Variants in GLG1 observed in about 807,000 individuals in gnomAD.
GLG1 encodes golgi glycoprotein 1.
Under a neutral mutation model 160.5 loss-of-function variants are expected in GLG1, and 38 were observed. The observed-to-expected ratio is 0.24, with a 90% CI of 0.18 to 0.31. GLG1 has a LOEUF of 0.31. GLG1 is among the 10% of genes least tolerant of loss of function. The pLI is 1.00. For missense variants in GLG1, 1,373 were observed against 1,505.2 expected (o/e 0.91, Z 1.45); for synonymous variants, 644 against 543.4 (o/e 1.19, Z -2.57).
intron 12 of GLG1, among the ~76,000 whole-genome samples, chr16:74,474,869 T>C (rs938529692): frequency 1.3e-5 from 2 of 151,916 alleles, no homozygotes; most frequent in Admixed American, 1.3e-4. Flanking sequence ...ACAAGAGCCA[T>C]GCAAAGGCTG....
At chr16:74,576,684 A>G (rs1467198451) in intron 1 of GLG1, among the ~76,000 whole-genome samples, 1 of 152,232 alleles carries the variant, frequency 6.6e-6, no homozygotes, top group Non-Finnish European at 1.5e-5. Context: ...TCATAAAATA[A>G]GGTTGCTGGA....
intron 13 of GLG1, 57 bp from the exon 14 acceptor site, chr16:74,472,468 G>A (rs897491873): frequency 7.1e-7 from 1 of 1,401,644 alleles, no homozygotes; most frequent in Non-Finnish European, 1.0e-6. Context: ...GGGTGGAGGA[G>A]GAGCAGTTTC....
rs546611688 is a variant in GLG1, at chr16:74,606,855, TTGCTGC to T, written c.234_239del (p.Gln83_Gln84del). ...GCGGCGGCTGAGGCTGCTGTTGCTG[TTGCTGC>T]TGCTGCTGTTGCTGCTGAAGCTGCG... is the stretch of plus-strand genomic sequence containing the variant. On this transcript the variant is annotated inframe_deletion, in exon 1 of 26. Coordinates refer to ENST00000422840, the MANE Select transcript of GLG1 (RefSeq NM_001145667.2). The T allele has an allele frequency of 3.1e-6, 5 of 1,597,834 alleles. No individual in the cohort carries two copies. The highest frequency in any genetic ancestry group is 1.3e-5 in the African/African-American group (1 of 74,678).
intron 3 of GLG1, among the ~76,000 whole-genome samples, chr16:74,504,929 A>T (rs951035299): frequency 3.3e-5 from 5 of 152,250 alleles, no homozygotes; most frequent in Non-Finnish European, 7.3e-5. Context: ...TATAAGCTTA[A>T]ATTATAAAAC....
rs535630293 is a variant in GLG1 at position 74,493,487 on chromosome 16, T to C, written c.1051-347A>G. Among the ~76,000 whole-genome samples the C allele has an allele frequency of 5.9e-5, 9 of 152,366 alleles. No homozygotes were observed. In the South Asian group the frequency reaches 1.5e-3, roughly 25 times the overall value. ...ACAATACCCCGAACATAAATTTCAC[T>C]AGCATCAAACTGGCAACTAACATAA... is the stretch of plus-strand genomic sequence containing the variant. On this transcript the variant is annotated intron_variant, in intron 6 of 25. Coordinates refer to ENST00000422840, the MANE Select transcript of GLG1 (RefSeq NM_001145667.2).
At chr16:74,549,380 G>A (rs1352989283) in intron 1 of GLG1, among the ~76,000 whole-genome samples, 1 of 151,866 alleles carries the variant, frequency 6.6e-6, no homozygotes, top group African/African-American at 2.4e-5. Flanking sequence ...TGTAAGCTCC[G>A]CCTCCTGGGT....
At chr16:74,504,474 G>C (rs2016525606) in intron 3 of GLG1, among the ~76,000 whole-genome samples, 1 of 152,104 alleles carries the variant, frequency 6.6e-6, no homozygotes, top group African/African-American at 2.4e-5. Context: ...TTTTAGTAGA[G>C]ACGGAGTTTT....
rs184694255 is a variant in GLG1, at chr16:74,525,443, C to T, written c.471+6678G>A. ...CCAGGCTGTGGCATGATCATACCAC[C>T]GTGCCTGGCTACATTTTTAAAATTC... On this transcript the variant is annotated intron_variant, in intron 2 of 25. Transcript: ENST00000422840. 8.8e-4 allele frequency among the ~76,000 whole-genome samples: 134 copies of T among 152,154 alleles called. 1 individual carries two copies. Among genetic ancestry groups the T allele is most frequent in the Admixed American group, 1.4e-3 (22 of 15,274 alleles).
chr16:74,574,122 A>G (rs1198519835), intron 1 of GLG1, among the ~76,000 whole-genome samples: 2 of 152,228 alleles, frequency 1.3e-5, no homozygotes, highest in East Asian at 1.9e-4. Context: ...CTCAGCCTAA[A>G]GATACTAAAG....
rs1221513935 is a variant in GLG1, at chr16:74,452,730, T to C, written c.*437A>G. On this transcript the variant is annotated 3_prime_UTR_variant, in exon 26 of 26. Coordinates refer to ENST00000422840, the MANE Select transcript of GLG1 (RefSeq NM_001145667.2). ...GTCCTGTCTTTGTTTTACACAGTCA[T>C]ATGAAAGACATAACCCCATTGCCCA... The C allele has an allele frequency of 1.0e-6, 1 of 992,608 alleles. No homozygotes were observed. The highest frequency in any genetic ancestry group is 1.2e-6 in the Non-Finnish European group (1 of 834,256). The allele number at this position is 992,608 out of a possible 1,614,324, so 61.5% of individuals were successfully genotyped here.
Position 74,458,007 on chromosome 16 carries a change from G to C in GLG1, c.3145-13C>G. On this transcript the variant is annotated splice_polypyrimidine_tract_variant and intron_variant, in intron 23 of 25. Coordinates refer to ENST00000422840, the MANE Select transcript of GLG1 (RefSeq NM_001145667.2). ...TGTTTAGCACTTCCTGGAAAGGGAG[G>C]GTCATTGCAGACAGAGCTTTTGAAG... 1 of 1,612,844 alleles carries C rather than the reference G, an allele frequency of 6.2e-7. No individual in the cohort carries two copies. The highest frequency in any genetic ancestry group is 8.5e-7 in the Non-Finnish European group (1 of 1,178,974).
At chr16:74,563,536 C>G (rs116056320) in intron 1 of GLG1, among the ~76,000 whole-genome samples, 2,096 of 152,028 alleles carry the variant, frequency 0.014, 38 homozygotes, top group African/African-American at 0.048. Flanking sequence ...CAAGACCAGC[C>G]TGGTCAAAAT....
chr16:74,508,802 A>C (rs1190450790), intron 3 of GLG1, 37 bp downstream of exon 3: 2 of 840,620 alleles, frequency 2.4e-6, no homozygotes, highest in Non-Finnish European at 4.2e-6. Flanking sequence ...TTCTCCTCTA[A>C]GCCATTAGTT....
At position 74,512,388 on chromosome 16, in the gene GLG1, G is replaced by A. The variant is rs140987388; in HGVS notation, c.472-3463C>T. On this transcript the variant is annotated intron_variant, in intron 2 of 25. Coordinates refer to ENST00000422840, the MANE Select transcript of GLG1 (RefSeq NM_001145667.2). ...AAGCAATTCTCCTGCCTCAGCCTCC[G>A]TACTAGCTGGGATTACAGGTGTGCG... Among the ~76,000 whole-genome samples, 340 of 151,384 alleles carry A rather than the reference G, an allele frequency of 2.2e-3. 3 individuals are homozygous for A. The highest frequency in any genetic ancestry group is 3.6e-3 in the Non-Finnish European group (242 of 67,816).
At chr16:74,598,129 C>A (rs1456291071) in intron 1 of GLG1, among the ~76,000 whole-genome samples, 2 of 152,164 alleles carry the variant, frequency 1.3e-5, no homozygotes, top group African/African-American at 4.8e-5. Flanking sequence ...ACAGGGCACA[C>A]AGAAAACCCT....
chr16:74,463,097 T>C (rs2078040764), intron 20 of GLG1: 1 of 502,516 alleles, frequency 2.0e-6, no homozygotes, highest in South Asian at 3.3e-5. Flanking sequence ...TAGATTTTTC[T>C]TTCCAAGGAC....
chr16:74,562,002 A>C (rs1412880941), intron 1 of GLG1, among the ~76,000 whole-genome samples: 1 of 152,242 alleles, frequency 6.6e-6, no homozygotes, highest in African/African-American at 2.4e-5. Context: ...GGGTCATTGG[A>C]ACACTTATAG....
intron 11 of GLG1, among the ~76,000 whole-genome samples, 166 bp from the exon 12 acceptor site, chr16:74,477,699 T>C (rs2015435530): frequency 6.6e-6 from 1 of 152,084 alleles, no homozygotes; most frequent in South Asian, 2.1e-4. Flanking sequence ...TGCGGCCAGG[T>C]GCGGTGGCTC....
chr16:74,474,468 G>GA, intron 13 of GLG1, 78 bp downstream of exon 13: 1 of 789,788 alleles, frequency 1.3e-6, no homozygotes, highest in Non-Finnish European at 2.3e-6. Flanking sequence ...CAGGAGTCTA[G>GA]AAACAGTAGA....
Sources: allele counts gnomAD v4.1 joint callset (sites outside exome capture counted in the v4.1 genomes callset), GRCh38; gene constraint gnomAD v4.1.1; transcripts MANE v1.5; gene names NCBI Gene and HGNC (gene_info 2026-07-23, HGNC 2026-07-21).